The following MAML1 variants were observed in gnomAD, a reference collection of about 807,000 sequenced individuals.
MAML1 encodes the protein mastermind-like protein 1.
Under a neutral mutation model 77.1 loss-of-function variants are expected in MAML1, and 14 were observed. The observed-to-expected ratio is 0.18, with a 90% confidence interval of 0.12 to 0.28. MAML1 has a LOEUF of 0.28. Among genes scored for constraint, MAML1 ranks in the 10% least tolerant of loss-of-function variants. The pLI, the probability that MAML1 is intolerant of heterozygous loss-of-function variation, is 1.00. For missense variants in MAML1, 1,217 were observed against 1,327.8 expected (o/e 0.92, Z 1.30); for synonymous variants, 516 against 551.9 (o/e 0.93, Z 0.91).
chr5:179,740,541 G>C (rs1463567682), intron 1 of MAML1, among the ~76,000 whole-genome samples: 2 of 152,054 alleles, frequency 1.3e-5, no homozygotes, highest in African/African-American at 4.8e-5. Context: ...CTCCTAAAGT[G>C]CTGGGATTAC....
chr5:179,772,312 T>A (rs1756013115), intron 4 of MAML1, among the ~76,000 whole-genome samples: 1 of 152,132 alleles, frequency 6.6e-6, no homozygotes, highest in Admixed American at 6.5e-5. Context: ...AGAGATGGGC[T>A]TTCACCATGT....
At chr5:179,740,328 G>T (rs113388302) in intron 1 of MAML1, among the ~76,000 whole-genome samples, 3,599 of 152,158 alleles carry the variant, frequency 0.024, 75 homozygotes, top group Non-Finnish European at 0.037. Context: ...TGGAGTGCAG[G>T]GGCGCAATCT....
chr5:179,769,124 C>A lies in MAML1; in HGVS notation c.1971+35C>A. 2 of 1,610,490 alleles carry A rather than the reference C, an allele frequency of 1.2e-6. No individual in the cohort carries two copies. The highest frequency in any genetic ancestry group is 2.2e-5 in the East Asian group (1 of 44,842). ...AAAGTGGAAGGAAACCACCGCTTCC[C>A]ACCTTTGCCTGCACCCTGCGTCACT... is the stretch of plus-strand genomic sequence containing the variant. On this transcript the variant is annotated intron_variant, in intron 3 of 4. Transcript: ENST00000292599. The surrounding 1 kb of genome is among the most constrained non-coding windows in gnomAD (Gnocchi z 4.2).
chr5:179,766,647 A>G lies in MAML1; in HGVS notation c.1637A>G (p.Gln546Arg). 8.7e-6 allele frequency: 14 copies of G among 1,612,280 alleles called. No individual in the cohort carries two copies. The highest frequency in any genetic ancestry group is 9.3e-6 in the Non-Finnish European group (11 of 1,178,852). ...GCCCTGATGGCTTATCTTCCCCAGC[A>G]GCTGTCCCATATAAGTCACGAGCAG... is the stretch of plus-strand genomic sequence containing the variant. ...KPALMAYLPQ[Q>R]LSHISHEQNS... Residue 546 changes from glutamine (Q) to arginine (R), a missense_variant, in exon 2 of 5, where the codon CAG (glutamine) becomes CGG (arginine). Gln to Arg is a conservative substitution (Grantham distance 43). Transcript: ENST00000292599. This position sits in a 1 kb window ranked among gnomAD's most constrained non-coding sequence, Gnocchi z 4.0.
At chr5:179,739,368 AGAACG>A (rs140913785) in intron 1 of MAML1, among the ~76,000 whole-genome samples, 34,678 of 151,730 alleles carry the variant, frequency 0.23, 4,483 homozygotes, top group Non-Finnish European at 0.3. Flanking sequence ...AGAATAGAAT[AGAACG>A]GAACGGAACG....
intron 1 of MAML1, among the ~76,000 whole-genome samples, chr5:179,762,478 C>A (rs550319041): frequency 6.6e-6 from 1 of 152,026 alleles, no homozygotes. Context: ...GTTCTCCAGC[C>A]GACCACGAGC....
Position 179,775,279 on chromosome 5 carries a change from T to C in MAML1, c.*402T>C, listed in dbSNP as rs983954518. 1 of 998,900 alleles carries C rather than the reference T, an allele frequency of 1.0e-6. No homozygotes were observed. The highest frequency in any genetic ancestry group is 1.1e-4 in the East Asian group (1 of 9,492). 61.9% of individuals were successfully genotyped at this position (998,900 alleles called of 1,614,324 possible). Reference sequence around the variant, plus strand: ...CCCCAGTGCTGGGGACAAGTTTCTGTTGAAACTTTAGATAGCAGAATTATT... The same window carrying C: ...CCCCAGTGCTGGGGACAAGTTTCTGCTGAAACTTTAGATAGCAGAATTATT... On this transcript the variant is annotated 3_prime_UTR_variant, in exon 5 of 5. Coordinates refer to ENST00000292599, the MANE Select transcript of MAML1 (RefSeq NM_014757.5).
At chr5:179,770,325 G>A (rs1755955775) in intron 3 of MAML1, among the ~76,000 whole-genome samples, 1 of 152,168 alleles carries the variant, frequency 6.6e-6, no homozygotes, top group Non-Finnish European at 1.5e-5. Flanking sequence ...ACGGGCGCCT[G>A]TAGTCCCAGC....
intron 1 of MAML1, among the ~76,000 whole-genome samples, chr5:179,736,973 A>C (rs2113330539): frequency 6.6e-6 from 1 of 152,224 alleles, no homozygotes; most frequent in African/African-American, 2.4e-5. Context: ...ATTAAAAAAA[A>C]AAAAAAAAGG....
chr5:179,764,672 A>G (rs1399738269), intron 1 of MAML1, among the ~76,000 whole-genome samples: 2 of 146,480 alleles, frequency 1.4e-5, no homozygotes, highest in Non-Finnish European at 1.5e-5. Context: ...AAAAAAAAAA[A>G]AGTGAGGGGC....
intron 4 of MAML1, among the ~76,000 whole-genome samples, chr5:179,772,998 C>A (rs1756036833): frequency 6.6e-6 from 1 of 152,244 alleles, no homozygotes; most frequent in Non-Finnish European, 1.5e-5. Flanking sequence ...TCAAGCAATT[C>A]TCCTGCCTCA....
At chr5:179,772,285 A>C (rs1050446726) in intron 4 of MAML1, among the ~76,000 whole-genome samples, 6 of 152,044 alleles carry the variant, frequency 3.9e-5, no homozygotes, top group East Asian at 1.9e-4. Flanking sequence ...CGCCCGGCTC[A>C]TTTTTGTATT....
chr5:179,741,683 C>CAAAAAAAAAA (rs10617185), intron 1 of MAML1, among the ~76,000 whole-genome samples: 4 of 89,286 alleles, frequency 4.5e-5, no homozygotes, highest in Non-Finnish European at 4.5e-5. Context: ...GAGACTGTCT[C>CAAAAAAAAAA]AAAAAAAAAA....
At position 179,765,850 on chromosome 5, in the gene MAML1, C is replaced by T. The variant is rs144589897; in HGVS notation, c.840C>T (p.Asp280=). ...ATGAGGACTTCGAGGAGAAGAAGGACCCAGAGTCTTCTGGCTCTGCCACAC... is the reference window on the plus strand; with the variant it reads ...ATGAGGACTTCGAGGAGAAGAAGGATCCAGAGTCTTCTGGCTCTGCCACAC... ...LFNEDFEEKK[D]PESSGSATQT... Residue 280 remains aspartate, a synonymous_variant, in exon 2 of 5, where the codon GAC becomes GAT. Transcript: ENST00000292599. 325 of 1,614,146 alleles carry T rather than the reference C, an allele frequency of 2.0e-4. No homozygotes were observed. The highest frequency in any genetic ancestry group is 2.6e-4 in the Non-Finnish European group (306 of 1,180,024).
chr5:179,773,862 C>T (rs756040128), intron 4 of MAML1, 33 bp from the exon 5 acceptor site: 2 of 1,584,454 alleles, frequency 1.3e-6, no homozygotes, highest in Non-Finnish European at 8.6e-7. Context: ...TGGTGGTCGA[C>T]TCCTGACTGC....
intron 1 of MAML1, among the ~76,000 whole-genome samples, chr5:179,741,227 G>T (rs1223251431): frequency 6.6e-6 from 1 of 152,206 alleles, no homozygotes; most frequent in East Asian, 1.9e-4. Flanking sequence ...CAACATTGAA[G>T]TCCTGCTGGA....
chr5:179,751,353 T>G (rs567781403), intron 1 of MAML1, among the ~76,000 whole-genome samples: 4 of 152,328 alleles, frequency 2.6e-5, no homozygotes, highest in South Asian at 2.1e-4. Context: ...TGCACCTTGT[T>G]AAACTTGACT....
At chr5:179,735,235 C>T (rs1488029047) in intron 1 of MAML1, among the ~76,000 whole-genome samples, 1 of 152,124 alleles carries the variant, frequency 6.6e-6, no homozygotes, top group Non-Finnish European at 1.5e-5. Context: ...CTGTGGGACC[C>T]TCCTCCATCC....
chr5:179,748,186 G>A (rs960067671), intron 1 of MAML1, among the ~76,000 whole-genome samples: 11 of 152,092 alleles, frequency 7.2e-5, no homozygotes, highest in South Asian at 2.1e-4. Context: ...GGATTCAAGC[G>A]ATCCTTGTGT....
Sources: gnomAD v4.1 joint callset for allele counts (sites outside exome capture counted in the v4.1 genomes callset) on GRCh38, gnomAD v4.1.1 for gene constraint, Gnocchi (gnomAD v3.1) non-coding constraint, MANE v1.5 for transcripts, NCBI Gene and HGNC (gene_info 2026-07-23, HGNC 2026-07-21) for gene names.